The following ADGRV1 variants were observed in gnomAD, a reference collection of about 807,000 sequenced individuals.
ADGRV1 encodes the protein adhesion G protein-coupled receptor V1.
In ADGRV1, 359 loss-of-function variants were observed where a neutral mutation model predicts 596.2. The observed-to-expected ratio is 0.60, with a 90% CI of 0.55 to 0.66. ADGRV1 has a LOEUF of 0.66. Among genes scored for constraint, ADGRV1 ranks in the 30% least tolerant of loss-of-function variants. The pLI is 0.00. For missense variants in ADGRV1, 7,274 were observed against 7,575.6 expected, an observed-to-expected ratio of 0.96 and a Z score of 1.48; for synonymous variants, 2,681 against 2,679.2, an observed-to-expected ratio of 1.00 and a Z score of -0.02.
intron 41 of ADGRV1, among the ~76,000 whole-genome samples, chr5:90,711,896 C>G (rs1253874174): frequency 6.6e-6 from 1 of 152,156 alleles, no homozygotes; most frequent in Non-Finnish European, 1.5e-5. Context: ...CCTGCCTCAG[C>G]CTCCTGAGTA....
At chr5:90,976,819 T>G (rs1375834475) in intron 84 of ADGRV1, among the ~76,000 whole-genome samples, 1 of 152,206 alleles carries the variant, frequency 6.6e-6, no homozygotes, top group African/African-American at 2.4e-5. Context: ...TTGCATTGTT[T>G]TTGCAGTCTG....
chr5:91,022,938 A>G (rs1240343881), intron 85 of ADGRV1, among the ~76,000 whole-genome samples: 1 of 152,160 alleles, frequency 6.6e-6, no homozygotes, highest in African/African-American at 2.4e-5. Context: ...AGCTAAAAAT[A>G]AGTAAATTTA....
At chr5:91,008,384 T>C (rs1415716465) in intron 85 of ADGRV1, among the ~76,000 whole-genome samples, 2 of 152,142 alleles carry the variant, frequency 1.3e-5, no homozygotes, top group African/African-American at 4.8e-5. Context: ...TTCTACCAGA[T>C]AGATATAGTA....
intron 62 of ADGRV1, 52 bp downstream of exon 62, chr5:90,778,095 G>A: frequency 6.6e-7 from 1 of 1,512,374 alleles, no homozygotes; most frequent in South Asian, 1.2e-5. Context: ...GTGCTGGTGT[G>A]TGCACATGTG....
At chr5:90,675,662 T>G (rs1292804737) in intron 24 of ADGRV1, among the ~76,000 whole-genome samples, 5 of 151,866 alleles carry the variant, frequency 3.3e-5, no homozygotes, top group Non-Finnish European at 5.9e-5. Context: ...ATTAGCTGGG[T>G]GTGGTGGTGC....
At chr5:90,957,566 A>ATATG (rs1777585646) in intron 83 of ADGRV1, among the ~76,000 whole-genome samples, 2 of 147,952 alleles carry the variant, frequency 1.4e-5, no homozygotes, top group Admixed American at 1.4e-4. Context: ...TTATATATAT[A>ATATG]TATATATTAC....
At chr5:90,621,780 C>T (rs1764111125) in intron 4 of ADGRV1, among the ~76,000 whole-genome samples, 1 of 151,900 alleles carries the variant, frequency 6.6e-6, no homozygotes, top group East Asian at 1.9e-4. Context: ...AATAGGCTGG[C>T]TTTGCTTTTC....
At chr5:90,778,120 T>A in intron 62 of ADGRV1, 77 bp downstream of exon 62, 1 of 1,426,166 alleles carries the variant, frequency 7.0e-7, no homozygotes, top group Non-Finnish European at 9.5e-7. Flanking sequence ...CATATGTGTA[T>A]GTGTGGGTGT....
intron 31 of ADGRV1, among the ~76,000 whole-genome samples, chr5:90,691,768 T>TTTCA (rs552910711): frequency 1.4e-3 from 214 of 152,260 alleles, no homozygotes; most frequent in African/African-American, 4.0e-3. Context: ...TATTGTGGTT[T>TTTCA]TTCATTCATT....
intron 1 of ADGRV1, among the ~76,000 whole-genome samples, chr5:90,603,051 A>G (rs187744284): frequency 6.6e-6 from 1 of 152,306 alleles, no homozygotes; most frequent in African/African-American, 2.4e-5. Flanking sequence ...TTTTCTAACC[A>G]TGAAAAGTAC....
rs727504777 is a variant in ADGRV1, at chr5:90,778,008, C to G, written c.12631C>G (p.Arg4211Gly). 2 of 1,591,224 alleles carry G rather than the reference C, an allele frequency of 1.3e-6. No homozygotes were observed. Among genetic ancestry groups the G allele is most frequent in the Admixed American group, 1.8e-5 (1 of 56,304 alleles). ...FAETSGKLTM[R>G]DEQSAVIVVI... ...TGAAACATCAGGAAAACTGACAATG[C>G]GAGACGAACAGTCTGCAGTCATTGT... is the stretch of plus-strand genomic sequence containing the variant. Residue 4211 changes from arginine (R) to glycine (G), a missense_variant, in exon 62 of 90, where the codon CGA (arginine) becomes GGA (glycine). Physicochemically the swap from Arg to Gly is moderately radical, Grantham distance 125 (BLOSUM62 -2). This residue lies in a region of ADGRV1 where 3,643 missense variants were observed against 3,809.2 expected (regional missense o/e 0.96). Coordinates refer to ENST00000405460, the MANE Select transcript of ADGRV1 (RefSeq NM_032119.4).
chr5:90,982,409 G>C (rs1780151951), intron 84 of ADGRV1, among the ~76,000 whole-genome samples: 1 of 152,146 alleles, frequency 6.6e-6, no homozygotes, highest in Non-Finnish European at 1.5e-5. Flanking sequence ...TAAAAAAAAT[G>C]GCAGTAACTA....
chr5:91,006,357 A>G (rs11954415), intron 85 of ADGRV1, among the ~76,000 whole-genome samples: 2,586 of 152,290 alleles, frequency 0.017, 67 homozygotes, highest in African/African-American at 0.059. Flanking sequence ...TACAAAAATG[A>G]ATATTTGTAA....
At chr5:90,940,921 A>C (rs1295838811) in intron 83 of ADGRV1, among the ~76,000 whole-genome samples, 1 of 152,214 alleles carries the variant, frequency 6.6e-6, no homozygotes, top group Non-Finnish European at 1.5e-5. Context: ...CAAACTTCTT[A>C]TTCTTCTGTG....
At chr5:91,084,410 T>C (rs1468579721) in intron 86 of ADGRV1, among the ~76,000 whole-genome samples, 5 of 152,050 alleles carry the variant, frequency 3.3e-5, no homozygotes. Context: ...CATCAAAAAG[T>C]GGGCAAAGGA....
rs146050439 is a variant in ADGRV1, at chr5:91,094,320, G to A, written c.18311-7899G>A. On this transcript the variant is annotated intron_variant, in intron 86 of 89. Coordinates refer to ENST00000405460, the MANE Select transcript of ADGRV1 (RefSeq NM_032119.4). ...CTAAAAACACAAAAATTAGCTGGGCGTGGTGGTGGGCACGTGTCATCCCAG... is the reference window on the plus strand; with the variant it reads ...CTAAAAACACAAAAATTAGCTGGGCATGGTGGTGGGCACGTGTCATCCCAG... Among the ~76,000 whole-genome samples, 808 of 152,072 alleles carry A rather than the reference G, an allele frequency of 5.3e-3. 6 individuals are homozygous for A. Among genetic ancestry groups the A allele is most frequent in the African/African-American group, 0.018 (763 of 41,506 alleles).
chr5:91,006,603 C>G (rs1782299129), intron 85 of ADGRV1, among the ~76,000 whole-genome samples: 1 of 152,108 alleles, frequency 6.6e-6, no homozygotes, highest in Non-Finnish European at 1.5e-5. Flanking sequence ...CAATTGAAAT[C>G]TGTTCCTATA....
chr5:90,563,692 G>T (rs1454928368), intron 1 of ADGRV1, among the ~76,000 whole-genome samples: 1 of 152,196 alleles, frequency 6.6e-6, no homozygotes, highest in Non-Finnish European at 1.5e-5. Flanking sequence ...ATGCCAGAAA[G>T]AATTTTGTTG....
At chr5:91,157,132 G>T (rs1796541073) in intron 89 of ADGRV1, among the ~76,000 whole-genome samples, 1 of 152,122 alleles carries the variant, frequency 6.6e-6, no homozygotes, top group African/African-American at 2.4e-5. Flanking sequence ...GGACATTTGA[G>T]TTTGCAAACC....
Sources: gnomAD v4.1 joint callset for allele counts (sites outside exome capture counted in the v4.1 genomes callset) on GRCh38, gnomAD v4.1.1 for gene constraint, gnomAD v4.1.1 regional missense constraint, MANE v1.5 for transcripts, NCBI Gene and HGNC (gene_info 2026-07-23, HGNC 2026-07-21) for gene names.